DROSHA: variants seen among roughly 807,000 people sequenced by gnomAD.
DROSHA encodes drosha ribonuclease III.
Under a neutral mutation model 181.9 loss-of-function variants are expected in DROSHA, and 56 were observed. The observed-to-expected ratio is 0.31, with a 90% CI of 0.25 to 0.38. The LOEUF (loss-of-function observed/expected upper bound fraction) is 0.38. Ranked by LOEUF, DROSHA falls within the 10% of genes least tolerant of loss-of-function variation. The probability of loss-of-function intolerance (pLI) is 1.00; values close to 1 mark genes in which losing one functional copy is unlikely to be tolerated. For missense variants in DROSHA, 1,218 were observed against 1,743.5 expected, an observed-to-expected ratio of 0.70 and a Z score of 5.37; for synonymous variants, 524 against 591.2, an observed-to-expected ratio of 0.89 and a Z score of 1.65.
At chr5:31,508,470 A>AC (rs1738256654) in intron 10 of DROSHA, 151 bp downstream of exon 10, 1 of 1,122,262 alleles carries the variant, frequency 8.9e-7, no homozygotes, top group East Asian at 2.5e-5. Context: ...TTTGGAACTA[A>AC]CCTGAAGCTG....
intron 20 of DROSHA, among the ~76,000 whole-genome samples, 181 bp from the exon 21 acceptor site, chr5:31,451,821 G>A (rs1747074541): frequency 6.6e-6 from 1 of 152,172 alleles, no homozygotes; most frequent in East Asian, 1.9e-4. Context: ...GCTGTTAAGA[G>A]TATATAGTCT....
chr5:31,411,523 T>C lies in DROSHA; in HGVS notation c.3526-636A>G, dbSNP rs16901108. On this transcript the variant is annotated intron_variant, in intron 30 of 35. Coordinates refer to ENST00000344624, the MANE Select transcript of DROSHA (RefSeq NM_001382508.1). This position sits in a 1 kb window ranked among gnomAD's most constrained non-coding sequence, Gnocchi z 4.2. ...TTGATATTATAGGACTTAAGTGAGG[T>C]TTAAGTAAATACTATGAAAAGATTT... Among the ~76,000 whole-genome samples, 2,259 of 152,258 alleles carry C rather than the reference T, an allele frequency of 0.015. 128 individuals carry two copies. The East Asian group carries it at 0.21, about 14-fold the overall frequency.
intron 13 of DROSHA, among the ~76,000 whole-genome samples, chr5:31,491,645 C>A (rs1189456722): frequency 6.6e-6 from 1 of 150,626 alleles, no homozygotes; most frequent in Non-Finnish European, 1.5e-5. Flanking sequence ...GAGTAATCAA[C>A]TCTAAGGCTA....
chr5:31,429,144 A>G (rs1308345450), intron 27 of DROSHA, among the ~76,000 whole-genome samples: 1 of 152,214 alleles, frequency 6.6e-6, no homozygotes, highest in Non-Finnish European at 1.5e-5. Context: ...TGGGGTAGAT[A>G]CCCAATGATT....
chr5:31,532,093 C>G lies in DROSHA; in HGVS notation c.-353G>C. 4.5e-6 allele frequency: 2 copies of G among 440,888 alleles called. No individual in the cohort carries two copies. The highest frequency in any genetic ancestry group is 4.8e-5 in the South Asian group (2 of 41,818). The allele number at this position is 440,888 out of a possible 1,614,324, so 27.3% of individuals were successfully genotyped here. Reference sequence around the variant, plus strand: ...CGCCCGCGCCTCCGGAACAGGAAACCGAGGGAATTAAAAAGCAAACCTGAG... The same window carrying G: ...CGCCCGCGCCTCCGGAACAGGAAACGGAGGGAATTAAAAAGCAAACCTGAG... On this transcript the variant is annotated 5_prime_UTR_variant, in exon 1 of 36. Transcript: ENST00000344624.
intron 35 of DROSHA, among the ~76,000 whole-genome samples, chr5:31,405,027 C>T (rs570940854): frequency 6.6e-6 from 1 of 152,296 alleles, no homozygotes; most frequent in Middle Eastern, 3.4e-3. Flanking sequence ...AACCTTCACA[C>T]GTATACTTTT....
At chr5:31,499,446 G>A (rs563042914) in intron 11 of DROSHA, among the ~76,000 whole-genome samples, 1 of 152,286 alleles carries the variant, frequency 6.6e-6, no homozygotes, top group African/African-American at 2.4e-5. Flanking sequence ...GCCATCACTG[G>A]TGGTAAGTGG....
At chr5:31,420,911 T>C (rs944916281) in intron 30 of DROSHA, among the ~76,000 whole-genome samples, 3 of 152,246 alleles carry the variant, frequency 2.0e-5, no homozygotes, top group Non-Finnish European at 2.9e-5. Flanking sequence ...TGTATCTACA[T>C]GTATAAACTC....
intron 9 of DROSHA, among the ~76,000 whole-genome samples, chr5:31,509,543 G>A (rs756149072): frequency 6.6e-6 from 1 of 152,164 alleles, no homozygotes; most frequent in Non-Finnish European, 1.5e-5. Flanking sequence ...TGAAGAGGGA[G>A]CATCGTAGGC....
At chr5:31,502,033 C>T (rs574994314) in intron 11 of DROSHA, among the ~76,000 whole-genome samples, 1 of 152,338 alleles carries the variant, frequency 6.6e-6, no homozygotes, top group Admixed American at 6.5e-5. Context: ...CAAGACATCC[C>T]CTCCAAAGTA....
At chr5:31,439,910 T>C (rs1332871370) in intron 23 of DROSHA, among the ~76,000 whole-genome samples, 1 of 152,160 alleles carries the variant, frequency 6.6e-6, no homozygotes, top group African/African-American at 2.4e-5. Flanking sequence ...GGCTTGGGCA[T>C]GAGCAGAAGC....
intron 29 of DROSHA, chr5:31,421,622 C>T (rs1418715250): frequency 2.4e-6 from 1 of 422,172 alleles, no homozygotes; most frequent in Non-Finnish European, 4.3e-6. Flanking sequence ...AAAATAAAGA[C>T]TGGTAAACAC....
intron 10 of DROSHA, among the ~76,000 whole-genome samples, chr5:31,506,997 G>A (rs1378080600): frequency 1.3e-5 from 2 of 152,104 alleles, no homozygotes; most frequent in East Asian, 1.9e-4. Flanking sequence ...GGCTTCTTGC[G>A]AAACAGGAAA....
intron 30 of DROSHA, among the ~76,000 whole-genome samples, chr5:31,416,067 A>G (rs1741905738): frequency 6.6e-6 from 1 of 152,210 alleles, no homozygotes; most frequent in South Asian, 2.1e-4. Context: ...TGAAAGCCAT[A>G]TTACATTTGC....
At chr5:31,512,502 T>C (rs1738805509) in intron 8 of DROSHA, among the ~76,000 whole-genome samples, 1 of 152,198 alleles carries the variant, frequency 6.6e-6, no homozygotes, top group African/African-American at 2.4e-5. Context: ...TCTGTAAGAT[T>C]TGGAGAAGAG....
chr5:31,467,836 T>C, intron 18 of DROSHA, 103 bp downstream of exon 18: 1 of 1,439,994 alleles, frequency 6.9e-7, no homozygotes, highest in Non-Finnish European at 9.3e-7. Context: ...ATTTCAGGTC[T>C]TAATTTTTAA....
intron 13 of DROSHA, among the ~76,000 whole-genome samples, chr5:31,487,084 G>A (rs1023220624): frequency 6.6e-6 from 1 of 152,074 alleles, no homozygotes; most frequent in African/African-American, 2.4e-5. Context: ...AATAATAATA[G>A]CTAACATTTT....
intron 23 of DROSHA, among the ~76,000 whole-genome samples, chr5:31,442,641 C>T (rs576600902): frequency 1.3e-5 from 2 of 152,246 alleles, no homozygotes; most frequent in East Asian, 3.9e-4. Context: ...GTGCCATTCA[C>T]TCCAAGGAAA....
chr5:31,440,772 A>G (rs1473409448), intron 23 of DROSHA, among the ~76,000 whole-genome samples: 2 of 152,198 alleles, frequency 1.3e-5, no homozygotes, highest in Non-Finnish European at 2.9e-5. Context: ...AACTTTGTCT[A>G]TACAAAAGTA....
Sources: gnomAD v4.1 joint callset for allele counts (sites outside exome capture counted in the v4.1 genomes callset) on GRCh38, gnomAD v4.1.1 for gene constraint, Gnocchi (gnomAD v3.1) non-coding constraint, MANE v1.5 for transcripts, NCBI Gene and HGNC (gene_info 2026-07-23, HGNC 2026-07-21) for gene names.